Variants in SYNGR1 observed in about 807,000 individuals in gnomAD.
The protein encoded by SYNGR1 is synaptogyrin-1.
A neutral mutation model predicts 26.1 loss-of-function variants in SYNGR1; 14 were observed. The observed-to-expected ratio is 0.54, with a 90% CI of 0.35 to 0.84. The LOEUF is 0.84. Ranked by LOEUF, SYNGR1 falls within the 40% of genes least tolerant of loss-of-function variation. SYNGR1 has a pLI of 0.01. For missense variants in SYNGR1, 319 were observed against 332.9 expected (o/e 0.96, Z 0.33); for synonymous variants, 141 against 150.1 (o/e 0.94, Z 0.44).
chr22:39,376,162 G>A lies in SYNGR1; in HGVS notation c.448G>A (p.Ala150Thr), dbSNP rs754844342. The A allele has an allele frequency of 1.4e-5, 22 of 1,614,046 alleles. No homozygotes were observed. Among genetic ancestry groups the A allele is most frequent in the Admixed American group, 1.3e-4 (8 of 60,000 alleles). The part of the protein sequence containing the change: ...LNEGTDAARA[A>T]IAFSFFSIFT... The stretch of plus-strand genomic sequence containing the variant: ...CGAAGGGACGGACGCAGCCCGGGCC[G>A]CCATCGCCTTCTCCTTTTTCTCCAT... Residue 150 changes from alanine (A) to threonine (T), a missense_variant, in exon 3 of 4, where the codon GCC becomes ACC. Transcript: ENST00000328933.
intron 1 of SYNGR1, among the ~76,000 whole-genome samples, chr22:39,361,655 C>T (rs1034933098): frequency 4.6e-5 from 7 of 152,016 alleles, no homozygotes; most frequent in Admixed American, 1.3e-4. Context: ...CCATCACGCC[C>T]GGCCAATCCT....
chr22:39,384,323 G>A lies in SYNGR1; in HGVS notation c.*2409G>A. The stretch of plus-strand genomic sequence containing the variant: ...AAGCTTAACTCCATCTTGGGTGTTT[G>A]TGACAGGCCCTGCCTGCCACCCTAG... On this transcript the variant is annotated 3_prime_UTR_variant, in exon 4 of 4. Coordinates refer to ENST00000328933, the MANE Select transcript of SYNGR1 (RefSeq NM_004711.5). 2.5e-6 allele frequency: 1 copy of A among 394,162 alleles called. No individual in the cohort carries two copies. The highest frequency in any genetic ancestry group is 4.5e-6 in the Non-Finnish European group (1 of 223,666). The allele number at this position is 394,162 out of a possible 1,614,324, so 24.4% of individuals were successfully genotyped here.
chr22:39,352,836 A>T (rs1406963368), intron 1 of SYNGR1, among the ~76,000 whole-genome samples: 1 of 152,074 alleles, frequency 6.6e-6, no homozygotes, highest in Non-Finnish European at 1.5e-5. Context: ...AGGGGCCCTA[A>T]CAGCATGTGC....
intron 1 of SYNGR1, among the ~76,000 whole-genome samples, chr22:39,354,403 C>T (rs1430152948): frequency 6.6e-6 from 1 of 152,188 alleles, no homozygotes; most frequent in Non-Finnish European, 1.5e-5. Flanking sequence ...CTGCTGGGCT[C>T]CACATTCTGT....
intron 1 of SYNGR1, chr22:39,364,105 A>C (rs1438407568): frequency 2.1e-5 from 34 of 1,603,132 alleles, no homozygotes; most frequent in Non-Finnish European, 2.8e-5. Context: ...TGCAGAGGGG[A>C]GATACCATCT....
intron 1 of SYNGR1, among the ~76,000 whole-genome samples, chr22:39,353,187 G>C (rs1923994173): frequency 6.6e-6 from 1 of 152,096 alleles, no homozygotes; most frequent in South Asian, 2.1e-4. Flanking sequence ...TGTAAAATTT[G>C]TAAAAGAAAG....
At chr22:39,362,303 T>C (rs989231671) in intron 1 of SYNGR1, among the ~76,000 whole-genome samples, 1 of 152,072 alleles carries the variant, frequency 6.6e-6, no homozygotes, top group African/African-American at 2.4e-5. Context: ...GCCCAGGCCC[T>C]GCCCAGCGGA....
chr22:39,357,248 G>A (rs1924183879), intron 1 of SYNGR1, among the ~76,000 whole-genome samples: 1 of 151,756 alleles, frequency 6.6e-6, no homozygotes, highest in Non-Finnish European at 1.5e-5. Flanking sequence ...CCAGGCAACA[G>A]AGCAAGACTC....
intron 1 of SYNGR1, among the ~76,000 whole-genome samples, chr22:39,373,837 C>T (rs1412182074): frequency 1.3e-5 from 2 of 152,184 alleles, no homozygotes; most frequent in African/African-American, 4.8e-5. Context: ...GGGTAGGGGC[C>T]TGAGACCCCA....
At chr22:39,359,759 T>G (rs547706759) in intron 1 of SYNGR1, among the ~76,000 whole-genome samples, 1 of 151,306 alleles carries the variant, frequency 6.6e-6, no homozygotes, top group Non-Finnish European at 1.5e-5. Flanking sequence ...ACACCTGGCC[T>G]CCTCTTCCCG....
At position 39,376,100 on chromosome 22, in the gene SYNGR1, A is replaced by T. The variant is rs779753004; in HGVS notation, c.386A>T (p.Gln129Leu). ...GTGGGATTCTGCTACCTGGCCAACC[A>T]GTGGCAGGTCTCCAAGCCCAAGGAC... is the stretch of plus-strand genomic sequence containing the variant. ...WFVGFCYLAN[Q>L]WQVSKPKDNP... The change falls in exon 3 of 4, where the codon CAG becomes CTG. Residue 129 changes from glutamine to leucine, a missense_variant. Physicochemically the swap from Gln to Leu is moderately radical, Grantham distance 113. Coordinates refer to ENST00000328933, the MANE Select transcript of SYNGR1 (RefSeq NM_004711.5). The T allele has an allele frequency of 6.8e-6, 11 of 1,614,128 alleles. No homozygotes were observed. The highest frequency in any genetic ancestry group is 8.5e-6 in the Non-Finnish European group (10 of 1,180,030).
At chr22:39,365,988 C>CATTTTTTTTTTTT (rs1924735102) in intron 1 of SYNGR1, among the ~76,000 whole-genome samples, 1 of 68,384 alleles carries the variant, frequency 1.5e-5, no homozygotes, top group Non-Finnish European at 2.7e-5. Context: ...TCAGCCCCTT[C>CATTTTTTTTTTTT]TTTTTTTTTT....
intron 1 of SYNGR1, among the ~76,000 whole-genome samples, chr22:39,354,106 C>T (rs1197311759): frequency 2.6e-5 from 4 of 152,226 alleles, no homozygotes; most frequent in Non-Finnish European, 5.9e-5. Context: ...TAGTGATCCA[C>T]CCGCCTCAGC....
At chr22:39,352,478 A>G (rs1391910852) in intron 1 of SYNGR1, among the ~76,000 whole-genome samples, 1 of 152,206 alleles carries the variant, frequency 6.6e-6, no homozygotes, top group Admixed American at 6.5e-5. Flanking sequence ...TTTTACCACA[A>G]CAGAAAAAGT....
rs55744733 is a variant in SYNGR1 at position 39,371,502 on chromosome 22, G to A, written c.100-2814G>A. Reference sequence around the variant, plus strand: ...AAAAAAAAAAAAAAAAGAAATTATAGTTTCTGGCCGGGCATGGTGGCTCAC... The same window carrying A: ...AAAAAAAAAAAAAAAAGAAATTATAATTTCTGGCCGGGCATGGTGGCTCAC... On this transcript the variant is annotated intron_variant, in intron 1 of 3. Coordinates refer to ENST00000328933, the MANE Select transcript of SYNGR1 (RefSeq NM_004711.5). 1.8e-3 allele frequency among the ~76,000 whole-genome samples: 272 copies of A among 149,084 alleles called. 1 individual carries two copies. The highest frequency in any genetic ancestry group is 3.1e-3 in the Non-Finnish European group (208 of 67,276).
intron 3 of SYNGR1, chr22:39,378,069 G>T: frequency 8.5e-7 from 1 of 1,183,236 alleles, no homozygotes; most frequent in Non-Finnish European, 1.1e-6. Context: ...GCCTAGAGGC[G>T]TTCATGGTCC....
chr22:39,353,149 A>G (rs1343418163), intron 1 of SYNGR1, among the ~76,000 whole-genome samples: 2 of 152,152 alleles, frequency 1.3e-5, no homozygotes, highest in Non-Finnish European at 2.9e-5. Flanking sequence ...GGCGTGAGCC[A>G]CCGCACCCGG....
chr22:39,376,463 AC>A (rs60010643), intron 3 of SYNGR1, among the ~76,000 whole-genome samples: 103,158 of 147,822 alleles, frequency 0.7, 35,655 homozygotes, highest in East Asian at 0.96. Context: ...GTCACGGACC[AC>A]CCCCCCCCCA....
chr22:39,373,272 G>GCC, intron 1 of SYNGR1, among the ~76,000 whole-genome samples: 1 of 151,574 alleles, frequency 6.6e-6, no homozygotes, highest in East Asian at 1.9e-4. Flanking sequence ...AGGTTCAAGT[G>GCC]ATTCTCCTGC....
Sources: gnomAD v4.1 joint callset for allele counts (sites outside exome capture counted in the v4.1 genomes callset) on GRCh38, gnomAD v4.1.1 for gene constraint, MANE v1.5 for transcripts, NCBI Gene and HGNC (gene_info 2026-07-23, HGNC 2026-07-21) for gene names.